TGM2: variants seen among roughly 807,000 people sequenced by gnomAD.
The protein encoded by TGM2 is protein-glutamine gamma-glutamyltransferase 2.
Under a neutral mutation model 75.6 loss-of-function variants are expected in TGM2, and 53 were observed. That is an observed-to-expected ratio of 0.70 (90% CI 0.56 to 0.88). The LOEUF (loss-of-function observed/expected upper bound fraction) is 0.88. Ranked by LOEUF, TGM2 falls within the 40% of genes least tolerant of loss-of-function variation. The pLI is 0.00. For synonymous variants in TGM2, 374 were observed against 381.1 expected (o/e 0.98, Z 0.22); for missense variants, 842 against 928.5 (o/e 0.91, Z 1.21).
intron 2 of TGM2, 128 bp downstream of exon 2, chr20:38,161,292 C>A: frequency 1.6e-6 from 2 of 1,287,044 alleles, no homozygotes; most frequent in Non-Finnish European, 2.2e-6. Flanking sequence ...TGACAGGTGG[C>A]AATCTCCCAG....
intron 6 of TGM2, chr20:38,146,261 CGA>C (rs1272143251): frequency 5.4e-6 from 1 of 186,560 alleles, no homozygotes; most frequent in Admixed American, 5.7e-5. Flanking sequence ...TAATATTTGC[CGA>C]GAGTGACACT....
At chr20:38,145,393 T>C (rs1348756957) in intron 6 of TGM2, 1 of 152,250 alleles carries the variant, frequency 6.6e-6, no homozygotes, top group Non-Finnish European at 1.5e-5. Context: ...AAAATCATTT[T>C]AAGCACTTCC....
chr20:38,136,967 G>T (rs765770548), intron 10 of TGM2, among the ~76,000 whole-genome samples: 1 of 152,212 alleles, frequency 6.6e-6, no homozygotes, highest in Non-Finnish European at 1.5e-5. Context: ...CTTGGCTCGG[G>T]GCTGGGTTGG....
intron 2 of TGM2, 139 bp downstream of exon 2, chr20:38,161,281 A>C (rs906920038): frequency 8.4e-7 from 1 of 1,183,502 alleles, no homozygotes; most frequent in African/African-American, 1.5e-5. Context: ...AATGGGGCTG[A>C]TGACAGGTGG....
chr20:38,132,415 G>A lies in TGM2; in HGVS notation c.1701C>T (p.Leu567=), dbSNP rs746163265. 259 of 1,614,022 alleles carry A rather than the reference G, an allele frequency of 1.6e-4. No homozygotes were observed. Among genetic ancestry groups the A allele is most frequent in the Non-Finnish European group, 2.1e-4 (249 of 1,180,038 alleles). Residue 567 remains leucine (L), a synonymous_variant, in exon 11 of 13, where the codon CTC becomes CTT. Coordinates refer to ENST00000361475, the MANE Select transcript of TGM2 (RefSeq NM_004613.4). ...ESNLIKVRAL[L]VEPVINSYLL... Reference sequence around the variant, plus strand: ...GGTAGCTGTTGATAACTGGCTCCACGAGGAGGGCCCGCACCTTGATGAGGT... The same window carrying A: ...GGTAGCTGTTGATAACTGGCTCCACAAGGAGGGCCCGCACCTTGATGAGGT...
intron 10 of TGM2, among the ~76,000 whole-genome samples, chr20:38,135,290 A>T (rs551331393): frequency 6.6e-6 from 1 of 152,250 alleles, no homozygotes; most frequent in African/African-American, 2.4e-5. Flanking sequence ...CACGAGAAGG[A>T]GCTGGTGGGT....
At chr20:38,135,444 C>A (rs1158969176) in intron 10 of TGM2, among the ~76,000 whole-genome samples, 3 of 151,718 alleles carry the variant, frequency 2.0e-5, no homozygotes, top group East Asian at 1.9e-4. Context: ...TACACACACA[C>A]AAAACAGGGC....
chr20:38,145,873 T>A (rs1005155610), intron 6 of TGM2: 1 of 150,186 alleles, frequency 6.7e-6, no homozygotes, highest in Admixed American at 6.7e-5. Context: ...GGTCAAGCGA[T>A]CTTCCTGCCT....
chr20:38,165,379 C>A (rs1053808437), upstream of TGM2: 36 of 825,734 alleles, frequency 4.4e-5, no homozygotes, highest in Admixed American at 1.0e-4. Context: ...CAGTCCCGGG[C>A]CCACGCCGCC....
intron 11 of TGM2, among the ~76,000 whole-genome samples, chr20:38,131,524 A>G (rs1043369326): frequency 1.2e-4 from 18 of 152,276 alleles, no homozygotes; most frequent in African/African-American, 4.3e-4. Context: ...CTTTTGAGCC[A>G]GGCTGATCTC....
chr20:38,137,325 A>G (rs2074911779), intron 10 of TGM2, among the ~76,000 whole-genome samples: 1 of 152,108 alleles, frequency 6.6e-6, no homozygotes, highest in African/African-American at 2.4e-5. Context: ...TCTCTACTAA[A>G]AACACAAAAA....
In TGM2 at chr20:38,161,602, A is replaced by G. The variant is rs774983194; in HGVS notation, c.11-3T>C. The G allele has an allele frequency of 8.7e-6, 14 of 1,614,018 alleles. No homozygotes were observed. Among genetic ancestry groups the G allele is most frequent in the East Asian group, 2.2e-5 (1 of 44,890 alleles). ...ATCACACCTCTCTAAGACCAGCTCT[A>G]TGGAAACAGAAGGAGACGCATGAGC... On this transcript the variant is annotated splice_polypyrimidine_tract_variant and splice_region_variant and intron_variant, in intron 1 of 12. Coordinates refer to ENST00000361475, the MANE Select transcript of TGM2 (RefSeq NM_004613.4).
In TGM2 at chr20:38,138,392, G is replaced by A; in HGVS notation, c.1343-7C>T. ...TCCCTCTCCTCTGAGGACCCTGTAG[G>A]GGTTGAGAAGAGAGCCTCAATCACA... On this transcript the variant is annotated splice_polypyrimidine_tract_variant and splice_region_variant and intron_variant, in intron 9 of 12. Transcript: ENST00000361475. 1.9e-6 allele frequency: 3 copies of A among 1,613,690 alleles called. No individual in the cohort carries two copies. In the Middle Eastern group the frequency reaches 5.3e-4, roughly 283 times the overall value.
chr20:38,135,173 C>A (rs962812304), intron 10 of TGM2, among the ~76,000 whole-genome samples: 4 of 152,338 alleles, frequency 2.6e-5, no homozygotes, highest in Middle Eastern at 6.8e-3. Context: ...GCTGACTCCA[C>A]AGAGGCCTGG....
chr20:38,142,427 C>T (rs1267664345), intron 6 of TGM2, among the ~76,000 whole-genome samples: 1 of 152,192 alleles, frequency 6.6e-6, no homozygotes, highest in Non-Finnish European at 1.5e-5. Flanking sequence ...AAAATACAAA[C>T]CCCGGCCAGG....
chr20:38,132,876 G>C (rs960440537), intron 10 of TGM2: 1 of 460,586 alleles, frequency 2.2e-6, no homozygotes, highest in African/African-American at 2.0e-5. Context: ...GGAAGAGCCT[G>C]GTGCGCTCGG....
At chr20:38,156,113 G>T (rs377083061) in intron 2 of TGM2, 24 bp from the exon 3 acceptor site, 8 of 1,607,836 alleles carry the variant, frequency 5.0e-6, no homozygotes, top group Non-Finnish European at 6.8e-6. Flanking sequence ...AGCAGTAGCC[G>T]TGAGCTAGGG....
In TGM2 at chr20:38,130,226, G is replaced by A. The variant is rs2074808844; in HGVS notation, c.2057C>T (p.Pro686Leu). The A allele has an allele frequency of 6.2e-7, 1 of 1,613,286 alleles. No individual in the cohort carries two copies. ...VKGFRNVIIG[P>L]A ...GCTGGGAGCAGGGGTCCCTTAGGCG[G>A]GGCCAATGATGACATTCCGGAAGCC... The change falls in exon 13 of 13, where the codon CCC (proline) becomes CTC (leucine). Residue 686 changes from proline (P) to leucine (L), a missense_variant. Physicochemically the swap from Pro to Leu is moderately conservative, Grantham distance 98 (BLOSUM62 -3). Transcript: ENST00000361475.
At chr20:38,144,696 A>C (rs1460730451) in intron 6 of TGM2, among the ~76,000 whole-genome samples, 1 of 152,198 alleles carries the variant, frequency 6.6e-6, no homozygotes, top group Admixed American at 6.5e-5. Flanking sequence ...AAGTCCACCC[A>C]GGGGTTAGTG....
Sources: gnomAD v4.1 joint callset for allele counts (sites outside exome capture counted in the v4.1 genomes callset) on GRCh38, gnomAD v4.1.1 for gene constraint, MANE v1.5 for transcripts, NCBI Gene and HGNC (gene_info 2026-07-23, HGNC 2026-07-21) for gene names.